CACNA1B: variants seen among roughly 807,000 people sequenced by gnomAD.
The protein encoded by CACNA1B is voltage-dependent N-type calcium channel subunit alpha-1B.
In CACNA1B, 70 loss-of-function variants were observed where a neutral mutation model predicts 247.2. That is an observed-to-expected ratio of 0.28 (90% CI 0.23 to 0.35). The LOEUF (loss-of-function observed/expected upper bound fraction) is 0.35. Among genes scored for constraint, CACNA1B ranks in the 10% least tolerant of loss-of-function variants. The pLI, the probability that CACNA1B is intolerant of heterozygous loss-of-function variation, is 1.00. For synonymous variants in CACNA1B, 1,231 were observed against 1,294.4 expected, an observed-to-expected ratio of 0.95 and a Z score of 1.05; for missense variants, 2,367 against 3,197.4, an observed-to-expected ratio of 0.74 and a Z score of 6.26.
At chr9:137,936,305 C>A (rs959265061) in intron 6 of CACNA1B, among the ~76,000 whole-genome samples, 1 of 152,140 alleles carries the variant, frequency 6.6e-6, no homozygotes, top group African/African-American at 2.4e-5. Flanking sequence ...TGAAAAGTAT[C>A]CTTTGCCCAC....
At chr9:138,055,177 A>G (rs1186324531) in intron 26 of CACNA1B, among the ~76,000 whole-genome samples, 3 of 146,808 alleles carry the variant, frequency 2.0e-5, no homozygotes, top group Non-Finnish European at 4.5e-5. Context: ...CCCAGGCTGG[A>G]GTGCAGTGCT....
chr9:138,090,435 C>G (rs1330403456), intron 36 of CACNA1B, among the ~76,000 whole-genome samples: 1 of 151,922 alleles, frequency 6.6e-6, no homozygotes, highest in Non-Finnish European at 1.5e-5. Flanking sequence ...ATGTAAGACT[C>G]AAAACCATGA....
In CACNA1B at chr9:138,059,038, G is replaced by T. The variant is rs753488165; in HGVS notation, c.4474-41G>T. On this transcript the variant is annotated intron_variant, in intron 29 of 46. Transcript: ENST00000371372. The surrounding 1 kb of genome is among the most constrained non-coding windows in gnomAD (Gnocchi z 4.2). The stretch of plus-strand genomic sequence containing the variant: ...GTGGTCCCAGATGGGGTGTCTTGGG[G>T]CTGCCAAACCCATGGCCAACAGTGC... 2 of 1,254,620 alleles carry T rather than the reference G, an allele frequency of 1.6e-6. No homozygotes were observed. The highest frequency in any genetic ancestry group is 1.5e-5 in the African/African-American group (1 of 68,208). 77.7% of individuals were successfully genotyped at this position (1,254,620 alleles called of 1,614,324 possible).
At chr9:138,071,707 G>T (rs750392408) in intron 32 of CACNA1B, among the ~76,000 whole-genome samples, 2 of 152,086 alleles carry the variant, frequency 1.3e-5, no homozygotes, top group Non-Finnish European at 2.9e-5. Flanking sequence ...TACTCTCCAC[G>T]CACCTCTCGC....
chr9:137,971,035 G>A lies in CACNA1B; in HGVS notation c.1334-348G>A, dbSNP rs1325615038. On this transcript the variant is annotated intron_variant, in intron 10 of 46. Transcript: ENST00000371372. This position sits in a 1 kb window ranked among gnomAD's most constrained non-coding sequence, Gnocchi z 4.4. ...TGGGATCTGGGGAGGGACTAACTCA[G>A]ATTTATGTCTTCAGGGGAAAAAGCT... is the stretch of plus-strand genomic sequence containing the variant. Among the ~76,000 whole-genome samples the A allele has an allele frequency of 6.6e-6, 1 of 152,178 alleles. No homozygotes were observed. The highest frequency in any genetic ancestry group is 1.9e-4 in the East Asian group (1 of 5,188).
chr9:138,115,395 A>G (rs1642293747), intron 41 of CACNA1B, among the ~76,000 whole-genome samples, 157 bp from the exon 42 acceptor site: 1 of 152,166 alleles, frequency 6.6e-6, no homozygotes, highest in African/African-American at 2.4e-5. Flanking sequence ...GGGACATATC[A>G]GGGAAAGTAA....
intron 36 of CACNA1B, 54 bp from the exon 37 acceptor site, chr9:138,096,430 G>C (rs1961058395): frequency 6.5e-7 from 1 of 1,548,654 alleles, no homozygotes; most frequent in African/African-American, 1.4e-5. Flanking sequence ...GGGGGCGGCG[G>C]GGAGGGCAGG....
intron 36 of CACNA1B, among the ~76,000 whole-genome samples, chr9:138,087,713 C>CAAAAAAAAAAAAAAAAAA (rs57138546): frequency 2.8e-5 from 1 of 35,456 alleles, no homozygotes; most frequent in East Asian, 7.3e-4. Context: ...GACTCCGTCT[C>CAAAAAAAAAAAAAAAAAA]AAAAAAAAAA....
At chr9:137,879,228 G>T (rs1956883574) in intron 2 of CACNA1B, 69 bp downstream of exon 2, 1 of 1,022,486 alleles carries the variant, frequency 9.8e-7, no homozygotes, top group Non-Finnish European at 1.5e-6. Context: ...TTTATGGTCT[G>T]TGCCTGAGAA....
At chr9:137,942,737 A>ATGTTCTC (rs1445372983) in intron 6 of CACNA1B, among the ~76,000 whole-genome samples, 5 of 152,226 alleles carry the variant, frequency 3.3e-5, no homozygotes, top group African/African-American at 1.2e-4. Flanking sequence ...CGAACGTCGT[A>ATGTTCTC]TGTTCTCACT....
chr9:138,075,932 G>A lies in CACNA1B; in HGVS notation c.4949+22G>A, dbSNP rs371393754. Reference sequence around the variant, plus strand: ...TCAGGTGTGTTGTTCGGTCAGCCCAGGCCAATGTCTGCTCTTCCGTCGGGG... The same window carrying A: ...TCAGGTGTGTTGTTCGGTCAGCCCAAGCCAATGTCTGCTCTTCCGTCGGGG... On this transcript the variant is annotated intron_variant, in intron 35 of 46. Transcript: ENST00000371372. 5.3e-6 allele frequency: 8 copies of A among 1,515,166 alleles called. No individual in the cohort carries two copies. The African/African-American group carries it at 1.1e-4, about 21-fold the overall frequency. 93.9% of individuals were successfully genotyped at this position (1,515,166 alleles called of 1,614,324 possible).
intron 38 of CACNA1B, among the ~76,000 whole-genome samples, chr9:138,104,690 G>A (rs1471157960): frequency 6.6e-6 from 1 of 152,220 alleles, no homozygotes; most frequent in Non-Finnish European, 1.5e-5. Context: ...AGAAGAGGCT[G>A]CCCTGCCACA....
At chr9:138,095,327 A>G (rs960898461) in intron 36 of CACNA1B, among the ~76,000 whole-genome samples, 1 of 152,270 alleles carries the variant, frequency 6.6e-6, no homozygotes. Context: ...TAAAAAAGAT[A>G]TGCAAATGGC....
At chr9:138,046,405 T>C (rs1959186214) in intron 21 of CACNA1B, among the ~76,000 whole-genome samples, 2 of 152,180 alleles carry the variant, frequency 1.3e-5, no homozygotes, top group South Asian at 2.1e-4. Flanking sequence ...CCCAGAGAAC[T>C]TTCCTAGGGC....
chr9:138,035,816 A>G (rs192202925), intron 20 of CACNA1B, among the ~76,000 whole-genome samples: 5 of 152,178 alleles, frequency 3.3e-5, no homozygotes, highest in African/African-American at 1.2e-4. Flanking sequence ...AGCTCATGAC[A>G]TTGAGCTTTT....
intron 39 of CACNA1B, among the ~76,000 whole-genome samples, chr9:138,108,228 T>C (rs566498974): frequency 6.8e-6 from 1 of 146,300 alleles, no homozygotes; most frequent in East Asian, 2.0e-4. Context: ...TCCCAGCTGC[T>C]TGGGGAGGCT....
At chr9:137,951,434 T>C (rs1957876955) in intron 6 of CACNA1B, among the ~76,000 whole-genome samples, 1 of 152,124 alleles carries the variant, frequency 6.6e-6, no homozygotes, top group Non-Finnish European at 1.5e-5. Context: ...GCCTCTGTCT[T>C]GGTGGAGTCC....
rs201640046 is a variant in CACNA1B at position 137,971,575 on chromosome 9, G to A, written c.1526G>A (p.Arg509Gln). The change falls in exon 11 of 47, where the codon CGG (arginine) becomes CAG (glutamine). Residue 509 changes from arginine (R) to glutamine (Q), a missense_variant. Arg to Gln is a conservative substitution (Grantham distance 43). Transcript: ENST00000371372. The surrounding 1 kb of genome is among the most constrained non-coding windows in gnomAD (Gnocchi z 4.4). ...VAMVHYNQPR[R>Q]LTTTLYFAEF... is the part of the protein sequence containing the mutation. Reference sequence around the variant, plus strand: ...ATGGTGCATTACAACCAGCCGCGGCGGCTTACCACGACCCTGTGTACGTAT... The same window carrying A: ...ATGGTGCATTACAACCAGCCGCGGCAGCTTACCACGACCCTGTGTACGTAT... 26 of 1,612,996 alleles carry A rather than the reference G, an allele frequency of 1.6e-5. No individual in the cohort carries two copies. The Admixed American group carries it at 3.3e-4, about 21-fold the overall frequency.
rs1277977624 is a variant in CACNA1B at position 137,917,036 on chromosome 9, G to A, written c.776-205G>A. Among the ~76,000 whole-genome samples, 1 of 152,150 alleles carries A rather than the reference G, an allele frequency of 6.6e-6. No homozygotes were observed. The highest frequency in any genetic ancestry group is 1.5e-5 in the Non-Finnish European group (1 of 68,022). Reference sequence around the variant, plus strand: ...GGAGAGGCCAGCCGTTACTCCCTGAGTTGGTCACTCGTGAGCTCGGGGTCA... The same window carrying A: ...GGAGAGGCCAGCCGTTACTCCCTGAATTGGTCACTCGTGAGCTCGGGGTCA... On this transcript the variant is annotated intron_variant, in intron 5 of 46. Coordinates refer to ENST00000371372, the MANE Select transcript of CACNA1B (RefSeq NM_000718.4). This position sits in a 1 kb window ranked among gnomAD's most constrained non-coding sequence, Gnocchi z 5.5.
Sources: gnomAD v4.1 joint callset for allele counts (sites outside exome capture counted in the v4.1 genomes callset) on GRCh38, gnomAD v4.1.1 for gene constraint, Gnocchi (gnomAD v3.1) non-coding constraint, MANE v1.5 for transcripts, NCBI Gene and HGNC (gene_info 2026-07-23, HGNC 2026-07-21) for gene names.